ACACB: variants seen among roughly 807,000 people sequenced by gnomAD.
ACACB encodes acetyl-CoA carboxylase beta.
ACACB carries 209 observed loss-of-function variants against 278.8 expected under a neutral mutation model. The ratio of observed to expected loss-of-function variants is 0.75; its 90% CI spans 0.67 to 0.84. The LOEUF (loss-of-function observed/expected upper bound fraction) is 0.84. Among genes scored for constraint, ACACB ranks in the 40% least tolerant of loss-of-function variants. The pLI, the probability that ACACB is intolerant of heterozygous loss-of-function variation, is 0.00. For missense variants in ACACB, 2,850 were observed against 3,269.0 expected (o/e 0.87, Z 3.13); for synonymous variants, 1,174 against 1,285.6 (o/e 0.91, Z 1.86).
chr12:109,232,475 A>G (rs1183624087), intron 28 of ACACB, among the ~76,000 whole-genome samples, 194 bp from the exon 29 acceptor site: 1 of 152,204 alleles, frequency 6.6e-6, no homozygotes, highest in East Asian at 1.9e-4. Flanking sequence ...ACTCTTCACC[A>G]GGTCCTGAGG....
In ACACB at chr12:109,179,240, C is replaced by T. The variant is rs749812770; in HGVS notation, c.1590C>T (p.Ile530=). The change falls in exon 10 of 53, where the codon ATC becomes ATT. Residue 530 remains isoleucine, a synonymous_variant. Coordinates refer to ENST00000338432, the MANE Select transcript of ACACB (RefSeq NM_001093.4). The stretch of plus-strand genomic sequence containing the variant: ...CCATCCAGCGGCGGCATCAGAAGAT[C>T]GTTGAGGAAGCACCGGCCACCATCG... ...DCSIQRRHQK[I]VEEAPATIAP... The T allele has an allele frequency of 9.3e-6, 15 of 1,613,904 alleles. No individual in the cohort carries two copies. The African/African-American group carries it at 1.3e-4, about 14-fold the overall frequency.
At chr12:109,164,717 A>AT (rs36026617) in intron 2 of ACACB, among the ~76,000 whole-genome samples, 66,446 of 134,056 alleles carry the variant, frequency 0.5, 18,402 homozygotes, top group Middle Eastern at 0.7. Context: ...GCTAATTTAA[A>AT]TTTTTTTTTT....
In ACACB at chr12:109,206,885, A is replaced by G. The variant is rs369025572; in HGVS notation, c.3060+29A>G. ...AAGTCACCTATGAGCGCAGGCGTGT[A>G]GACCAGTGCGGAGGGTCAGAAGATC... On this transcript the variant is annotated intron_variant, in intron 20 of 52. Transcript: ENST00000338432. 16 of 1,613,944 alleles carry G rather than the reference A, an allele frequency of 9.9e-6. No homozygotes were observed. In the Middle Eastern group the frequency reaches 2.0e-3, roughly 200 times the overall value.
At chr12:109,146,946 A>G (rs2136058439) in intron 2 of ACACB, among the ~76,000 whole-genome samples, 1 of 152,208 alleles carries the variant, frequency 6.6e-6, no homozygotes, top group East Asian at 1.9e-4. Context: ...AAGTACTGGG[A>G]TTACAGGAAT....
chr12:109,176,894 G>A (rs1275336399), intron 9 of ACACB, among the ~76,000 whole-genome samples: 1 of 152,212 alleles, frequency 6.6e-6, no homozygotes, highest in Non-Finnish European at 1.5e-5. Context: ...TGGGATTACA[G>A]GTGTGATCCG....
At chr12:109,181,229 CTTTTTTT>C (rs1219593155) in intron 11 of ACACB, among the ~76,000 whole-genome samples, 3 of 130,786 alleles carry the variant, frequency 2.3e-5, no homozygotes, top group Admixed American at 1.5e-4. Context: ...TTTTTCTTTT[CTTTTTTT>C]TTTTTTTTTG....
At chr12:109,261,200 A>G (rs938083855) in intron 48 of ACACB, among the ~76,000 whole-genome samples, 12 of 152,234 alleles carry the variant, frequency 7.9e-5, no homozygotes, top group East Asian at 1.9e-4. Context: ...TACATGCTAC[A>G]CAGGATGTCA....
chr12:109,113,989 C>A (rs1157126656), upstream of ACACB, among the ~76,000 whole-genome samples: 2 of 150,896 alleles, frequency 1.3e-5, no homozygotes, highest in Admixed American at 1.3e-4. Flanking sequence ...ATTTTTTTTT[C>A]TTTTTTTTGC....
In ACACB at chr12:109,246,294, A is replaced by G; in HGVS notation, c.5417A>G (p.Glu1806Gly). Residue 1806 changes from glutamate (E) to glycine (G), a missense_variant, in exon 39 of 53, where the codon GAG (glutamate) becomes GGG (glycine). Coordinates refer to ENST00000338432, the MANE Select transcript of ACACB (RefSeq NM_001093.4). ...CGCATTGGATCCTTTGGCCCTGGAG[A>G]GGACCTTCTGTACCTGCGGGCATCC... ...TFRIGSFGPG[E>G]DLLYLRASEM... is the part of the protein sequence containing the mutation. The G allele has an allele frequency of 6.2e-7, 1 of 1,612,706 alleles. No homozygotes were observed. Among genetic ancestry groups the G allele is most frequent in the Non-Finnish European group, 8.5e-7 (1 of 1,179,776 alleles).
At position 109,246,212 on chromosome 12, in the gene ACACB, A is replaced by G. The variant is rs755107823; in HGVS notation, c.5335A>G (p.Thr1779Ala). Reference sequence around the variant, plus strand: ...GGTGGCCTTCAAAATGAGGTTTAAGACCCAGGAGTACCCGGAAGGACGGGA... The same window carrying G: ...GGTGGCCTTCAAAATGAGGTTTAAGGCCCAGGAGTACCCGGAAGGACGGGA... ...GMVAFKMRFK[T>A]QEYPEGRDVI... Residue 1779 changes from threonine to alanine, a missense_variant, in exon 39 of 53, where the codon ACC becomes GCC. This residue lies in a region of ACACB where 2,265 missense variants were observed against 2,561.3 expected (regional missense o/e 0.88). Transcript: ENST00000338432. 6 of 1,613,832 alleles carry G rather than the reference A, an allele frequency of 3.7e-6. No homozygotes were observed. The highest frequency in any genetic ancestry group is 1.7e-5 in the Admixed American group (1 of 59,968).
intron 52 of ACACB, 28 bp from the exon 53 acceptor site, chr12:109,266,208 C>T: frequency 6.2e-7 from 1 of 1,606,574 alleles, no homozygotes; most frequent in African/African-American, 1.3e-5. Context: ...CTGGAGTGAT[C>T]CCAGCCCTCC....
chr12:109,241,242 C>G lies in ACACB; in HGVS notation c.4983C>G (p.Ile1661Met). ...ITNESGYYLD[I>M]SLYKEVTDSR... The stretch of plus-strand genomic sequence containing the variant: ...ATGAGTCGGGCTACTACCTGGACAT[C>G]AGCCTCTACAAAGAAGTGACTGACT... Residue 1661 changes from isoleucine to methionine, a missense_variant, in exon 36 of 53, where the codon ATC becomes ATG. Around this residue, in one of 3 missense-constraint regions of ACACB, gnomAD observed 2,265 missense variants for 2,561.3 expected, o/e 0.88. Transcript: ENST00000338432. 1.2e-6 allele frequency: 2 copies of G among 1,614,224 alleles called. No homozygotes were observed. The highest frequency in any genetic ancestry group is 8.5e-7 in the Non-Finnish European group (1 of 1,180,042).
chr12:109,247,092 A>G (rs1281913541), intron 39 of ACACB, among the ~76,000 whole-genome samples: 1 of 152,120 alleles, frequency 6.6e-6, no homozygotes. Flanking sequence ...TCAAAAAAAA[A>G]GAAAAATCTT....
chr12:109,168,751 G>T (rs1230303620), intron 4 of ACACB, among the ~76,000 whole-genome samples: 1 of 152,124 alleles, frequency 6.6e-6, no homozygotes, highest in East Asian at 1.9e-4. Flanking sequence ...CAGCCCAGGG[G>T]GTCTAGGCTG....
chr12:109,118,163 A>G (rs143785416), intron 1 of ACACB, among the ~76,000 whole-genome samples: 1 of 152,278 alleles, frequency 6.6e-6, no homozygotes, highest in Non-Finnish European at 1.5e-5. Context: ...GCCAATCCTA[A>G]TTCATGTGAT....
At chr12:109,195,533 C>T (rs1377716808) in intron 16 of ACACB, among the ~76,000 whole-genome samples, 1 of 152,104 alleles carries the variant, frequency 6.6e-6, no homozygotes, top group South Asian at 2.1e-4. Flanking sequence ...AAATTTCAAG[C>T]GAGCATAAAA....
At chr12:109,165,156 A>G (rs936323504) in intron 2 of ACACB, among the ~76,000 whole-genome samples, 3 of 152,126 alleles carry the variant, frequency 2.0e-5, no homozygotes, top group Admixed American at 6.6e-5. Flanking sequence ...TCTACCAAGA[A>G]AGACGAGCCA....
Position 109,139,671 on chromosome 12 carries a change from G to C in ACACB, c.266G>C (p.Arg89Thr). 1 of 1,614,034 alleles carries C rather than the reference G, an allele frequency of 6.2e-7. No individual in the cohort carries two copies. Among genetic ancestry groups the C allele is most frequent in the Non-Finnish European group, 8.5e-7 (1 of 1,179,970 alleles). Residue 89 changes from arginine to threonine, a missense_variant, in exon 2 of 53, where the codon AGA (arginine) becomes ACA (threonine). This residue lies in a region of ACACB where 2,265 missense variants were observed against 2,561.3 expected (regional missense o/e 0.88). Coordinates refer to ENST00000338432, the MANE Select transcript of ACACB (RefSeq NM_001093.4). Reference protein sequence around the residue: ...HKGPKDAGRRRNSLPPSHQKP... With the variant: ...HKGPKDAGRRTNSLPPSHQKP... Reference sequence around the variant, plus strand: ...GGCCCCAAAGATGCCGGTCGGCGGAGAAACTCCCTACCACCCTCCCACCAG... The same window carrying C: ...GGCCCCAAAGATGCCGGTCGGCGGACAAACTCCCTACCACCCTCCCACCAG...
Position 109,222,788 on chromosome 12 carries a change from T to A in ACACB, c.3679-11T>A. ...TGGCTCACGCCAGCGCCCCCATCCCTCCCCCTGCAGATCCTGATTGCCTCC... is the reference window on the plus strand; with the variant it reads ...TGGCTCACGCCAGCGCCCCCATCCCACCCCCTGCAGATCCTGATTGCCTCC... On this transcript the variant is annotated splice_polypyrimidine_tract_variant and intron_variant, in intron 25 of 52. Coordinates refer to ENST00000338432, the MANE Select transcript of ACACB (RefSeq NM_001093.4). 5 of 1,579,976 alleles carry A rather than the reference T, an allele frequency of 3.2e-6. No homozygotes were observed. The highest frequency in any genetic ancestry group is 4.3e-6 in the Non-Finnish European group (5 of 1,153,948).
Sources: allele counts gnomAD v4.1 joint callset (sites outside exome capture counted in the v4.1 genomes callset), GRCh38; gene constraint gnomAD v4.1.1; regional missense constraint gnomAD v4.1.1; transcripts MANE v1.5; gene names NCBI Gene and HGNC (gene_info 2026-07-23, HGNC 2026-07-21).